The following U2AF2 variants were observed in gnomAD, a reference collection of about 807,000 sequenced individuals.
U2AF2 encodes U2 small nuclear RNA auxiliary factor 2.
U2AF2 carries 6 observed loss-of-function variants against 52.6 expected under a neutral mutation model. The observed-to-expected ratio is 0.11, with a 90% confidence interval of 0.06 to 0.23. The LOEUF (loss-of-function observed/expected upper bound fraction) is 0.23. Ranked by LOEUF, U2AF2 falls within the 10% of genes least tolerant of loss-of-function variation. The pLI is 1.00. For synonymous variants in U2AF2, 284 were observed against 258.2 expected (o/e 1.10, Z -0.96); for missense variants, 222 against 677.1 (o/e 0.33, Z 7.46).
At chr19:55,659,434 C>T (rs1029918897) in intron 2 of U2AF2, 89 bp downstream of exon 2, 4 of 1,373,936 alleles carry the variant, frequency 2.9e-6, no homozygotes, top group Admixed American at 3.3e-5. Context: ...GTGTCTGTGT[C>T]TGGGTCCGGG....
Position 55,674,297 on chromosome 19 carries a change from A to C in U2AF2, c.*229A>C. On this transcript the variant is annotated 3_prime_UTR_variant, in exon 12 of 12. Coordinates refer to ENST00000308924, the MANE Select transcript of U2AF2 (RefSeq NM_007279.3). ...AGTGCGCACACAGCCCACACAGACA[A>C]CACGCACCCACACAGACACAGAGGG... 9.9e-6 allele frequency: 5 copies of C among 505,288 alleles called. No individual in the cohort carries two copies. The highest frequency in any genetic ancestry group is 7.2e-5 in the East Asian group (2 of 27,692). 31.3% of individuals were successfully genotyped at this position (505,288 alleles called of 1,614,324 possible).
chr19:55,664,951 C>G (rs138422016), intron 7 of U2AF2, among the ~76,000 whole-genome samples: 1 of 152,252 alleles, frequency 6.6e-6, no homozygotes, highest in African/African-American at 2.4e-5. Flanking sequence ...CGCCTGACCT[C>G]AAGTGATCCG....
rs767658732 is a variant in U2AF2 at position 55,661,029 on chromosome 19, C to A, written c.335-9C>A. On this transcript the variant is annotated splice_polypyrimidine_tract_variant and intron_variant, in intron 4 of 11. Coordinates refer to ENST00000308924, the MANE Select transcript of U2AF2 (RefSeq NM_007279.3). ...ATGGGGTTTTATCCGGCTTTTATTC[C>A]CTTTGAAGCTGCGGGTCAGATTCCA... 1 of 1,571,252 alleles carries A rather than the reference C, an allele frequency of 6.4e-7. No individual in the cohort carries two copies. The highest frequency in any genetic ancestry group is 8.7e-7 in the Non-Finnish European group (1 of 1,149,622).
Position 55,674,073 on chromosome 19 carries a change from G to A in U2AF2, c.*5G>A, listed in dbSNP as rs372467427. On this transcript the variant is annotated 3_prime_UTR_variant, in exon 12 of 12. Coordinates refer to ENST00000308924, the MANE Select transcript of U2AF2 (RefSeq NM_007279.3). ...CACCGCCGGGACTTCTGGTAGAGGC[G>A]GCTGGGGGAGGGTGGGGGCAGGGCT... The A allele has an allele frequency of 1.2e-6, 2 of 1,603,374 alleles. No individual in the cohort carries two copies. The highest frequency in any genetic ancestry group is 1.1e-5 in the South Asian group (1 of 89,800).
intron 2 of U2AF2, among the ~76,000 whole-genome samples, 186 bp from the exon 3 acceptor site, chr19:55,659,991 C>T (rs1219123863): frequency 6.6e-6 from 1 of 152,028 alleles, no homozygotes; most frequent in Non-Finnish European, 1.5e-5. Context: ...CCTTTCCTCA[C>T]TTCCTCTTTC....
chr19:55,674,636 G>T lies in U2AF2; in HGVS notation c.*568G>T, dbSNP rs956255347. On this transcript the variant is annotated 3_prime_UTR_variant, in exon 12 of 12. Coordinates refer to ENST00000308924, the MANE Select transcript of U2AF2 (RefSeq NM_007279.3). ...ACCTGCGCCCAGCCCCGTGGCCCCT[G>T]CCCCTCTCCTACTCTCTGTGGCAGT... The T allele has an allele frequency of 6.5e-6, 1 of 152,948 alleles. No homozygotes were observed. Among genetic ancestry groups the T allele is most frequent in the Non-Finnish European group, 1.5e-5 (1 of 68,386 alleles). 9.5% of individuals were successfully genotyped at this position (152,948 alleles called of 1,614,324 possible). A position where few individuals can be genotyped will look rare whatever the true frequency, so the allele number is the denominator to read the frequency against.
intron 1 of U2AF2, among the ~76,000 whole-genome samples, chr19:55,655,803 A>T (rs992920826): frequency 1.3e-5 from 2 of 152,218 alleles, no homozygotes; most frequent in African/African-American, 4.8e-5. Context: ...CGTGTTTGGC[A>T]CATGTTGCCT....
At chr19:55,655,210 G>A in intron 1 of U2AF2, 57 bp downstream of exon 1, 1 of 1,506,772 alleles carries the variant, frequency 6.6e-7, no homozygotes, top group Non-Finnish European at 8.9e-7. Flanking sequence ...GTCGCTCTTT[G>A]CCCCCCCGCC....
chr19:55,663,108 T>C (rs1984322860), intron 6 of U2AF2, among the ~76,000 whole-genome samples: 1 of 152,158 alleles, frequency 6.6e-6, no homozygotes, highest in African/African-American at 2.4e-5. Context: ...TCATGAAGTA[T>C]TGTGAAGGTG....
intron 7 of U2AF2, among the ~76,000 whole-genome samples, chr19:55,666,545 G>C (rs1484678626): frequency 2.0e-5 from 3 of 152,238 alleles, no homozygotes; most frequent in Non-Finnish European, 2.9e-5. Context: ...GCAGATGCCC[G>C]GGCCATGGGG....
intron 11 of U2AF2, 114 bp downstream of exon 11, chr19:55,669,806 CTT>C (rs1362261422): frequency 7.1e-7 from 1 of 1,408,788 alleles, no homozygotes; most frequent in Non-Finnish European, 9.4e-7. Flanking sequence ...TCCGCGCGCT[CTT>C]TCTTCCTCTC....
rs748626754 is a variant in U2AF2, at chr19:55,668,496, T to C, written c.743-11T>C. 23 of 1,577,462 alleles carry C rather than the reference T, an allele frequency of 1.5e-5. 1 individual carries two copies. The South Asian group carries it at 2.6e-4, about 18-fold the overall frequency. On this transcript the variant is annotated splice_polypyrimidine_tract_variant and intron_variant, in intron 7 of 11. Coordinates refer to ENST00000308924, the MANE Select transcript of U2AF2 (RefSeq NM_007279.3). This position sits in a 1 kb window ranked among gnomAD's most constrained non-coding sequence, Gnocchi z 5.5. ...TACTGGAATTGAAGTCCTCCTCTTC[T>C]CTACCCATAGGGGTTGTGTCCACTG...
intron 1 of U2AF2, among the ~76,000 whole-genome samples, chr19:55,657,371 C>T (rs951377114): frequency 7.2e-5 from 11 of 152,182 alleles, no homozygotes; most frequent in Non-Finnish European, 5.9e-5. Flanking sequence ...TTTGTCTCTG[C>T]GGAGGACGGG....
chr19:55,658,063 C>T (rs1370819937), intron 1 of U2AF2, among the ~76,000 whole-genome samples: 2 of 152,176 alleles, frequency 1.3e-5, no homozygotes, highest in African/African-American at 2.4e-5. Flanking sequence ...CAGACATTCA[C>T]ATTGCATCGC....
At position 55,662,539 on chromosome 19, in the gene U2AF2, T is replaced by TG. The variant is rs758316280; in HGVS notation, c.531dup (p.Leu178AlafsTer15). 8.1e-6 allele frequency: 12 copies of TG among 1,487,058 alleles called. No homozygotes were observed. The highest frequency in any genetic ancestry group is 1.8e-6 in the Non-Finnish European group (2 of 1,104,004). 92.1% of individuals were successfully genotyped at this position (1,487,058 alleles called of 1,614,324 possible). Reference sequence around the variant, plus strand: ...GATTTCTTCAACGCCCAGATGCGCCTGGGGGGGCTGACCCAGGCCCCTGGC... The same window carrying TG: ...GATTTCTTCAACGCCCAGATGCGCCTGGGGGGGGCTGACCCAGGCCCCTGGC... On this transcript the variant is annotated frameshift_variant, in exon 6 of 12. Coordinates refer to ENST00000308924, the MANE Select transcript of U2AF2 (RefSeq NM_007279.3). LOFTEE classifies it high-confidence loss of function.
At chr19:55,661,479 GAGAC>G (rs1171111274) in intron 5 of U2AF2, among the ~76,000 whole-genome samples, 11 of 143,702 alleles carry the variant, frequency 7.7e-5, no homozygotes, top group Middle Eastern at 3.5e-3. Flanking sequence ...GTGTCGGAGA[GAGAC>G]AGAGAGGGAG....
intron 11 of U2AF2, chr19:55,670,620 G>C: frequency 4.3e-6 from 1 of 234,540 alleles, no homozygotes; most frequent in Non-Finnish European, 8.5e-6. Context: ...TGTACTGTTC[G>C]TTCAGGGTGG....
At chr19:55,672,249 A>G (rs907607444) in intron 11 of U2AF2, among the ~76,000 whole-genome samples, 9 of 152,260 alleles carry the variant, frequency 5.9e-5, no homozygotes, top group Non-Finnish European at 1.2e-4. Flanking sequence ...ATCATAGTAT[A>G]TGTGCTAATA....
chr19:55,664,806 C>T (rs1984439234), intron 7 of U2AF2, among the ~76,000 whole-genome samples: 1 of 152,158 alleles, frequency 6.6e-6, no homozygotes, highest in Non-Finnish European at 1.5e-5. Context: ...CATCCTCCGC[C>T]TCTAGGGTTC....
Sources: allele counts gnomAD v4.1 joint callset (sites outside exome capture counted in the v4.1 genomes callset), GRCh38; gene constraint gnomAD v4.1.1; non-coding constraint Gnocchi (gnomAD v3.1); transcripts MANE v1.5; gene names NCBI Gene and HGNC (gene_info 2026-07-23, HGNC 2026-07-21).